The following EPB41L3 variants were observed in gnomAD, a reference collection of about 807,000 sequenced individuals.
The protein encoded by EPB41L3 is band 4.1-like protein 3.
A neutral mutation model predicts 127.1 loss-of-function variants in EPB41L3; 57 were observed. That is an observed-to-expected ratio of 0.45 (90% CI 0.36 to 0.56). The LOEUF is 0.56. EPB41L3 is among the 20% of genes least tolerant of loss of function. The probability of loss-of-function intolerance (pLI) is 0.00; values close to 1 mark genes in which losing one functional copy is unlikely to be tolerated. For synonymous variants in EPB41L3, 572 were observed against 549.5 expected, an observed-to-expected ratio of 1.04 and a Z score of -0.57; for missense variants, 1,273 against 1,372.2, an observed-to-expected ratio of 0.93 and a Z score of 1.14.
chr18:5,482,817 G>A (rs1292646541), intron 2 of EPB41L3, among the ~76,000 whole-genome samples: 1 of 152,050 alleles, frequency 6.6e-6, no homozygotes, highest in Non-Finnish European at 1.5e-5. Context: ...AAAGCAGAGA[G>A]AATTCACCAC....
At position 5,520,718 on chromosome 18, in the gene EPB41L3, C is replaced by T. The variant is rs556822817; in HGVS notation, c.-12+23195G>A. On this transcript the variant is annotated intron_variant, in intron 1 of 22. Transcript: ENST00000341928. ...TGAGGGGATCATTAAATCAGCAGAACAGAGGCACTGCCAGGGAGACCTCAA... is the reference window on the plus strand; with the variant it reads ...TGAGGGGATCATTAAATCAGCAGAATAGAGGCACTGCCAGGGAGACCTCAA... Among the ~76,000 whole-genome samples, 44 of 152,284 alleles carry T rather than the reference C, an allele frequency of 2.9e-4. 1 individual carries two copies. The highest frequency in any genetic ancestry group is 1.1e-3 in the African/African-American group (44 of 41,560).
chr18:5,408,347 C>A (rs2075766242), intron 14 of EPB41L3, among the ~76,000 whole-genome samples: 1 of 148,500 alleles, frequency 6.7e-6, no homozygotes, highest in African/African-American at 2.5e-5. Context: ...GATCTCGGCT[C>A]ACTGCAACCT....
intron 14 of EPB41L3, among the ~76,000 whole-genome samples, chr18:5,408,383 C>T (rs2075773957): frequency 6.6e-6 from 1 of 150,768 alleles, no homozygotes; most frequent in Non-Finnish European, 1.5e-5. Context: ...AAGCAATTCT[C>T]CTGCCTCAGC....
chr18:5,457,202 G>T (rs1424116135), intron 3 of EPB41L3, among the ~76,000 whole-genome samples: 2 of 73,914 alleles, frequency 2.7e-5, no homozygotes, highest in African/African-American at 6.9e-5. Flanking sequence ...TCTTTTATCT[G>T]TAGGAAAATC....
At chr18:5,548,381 C>A (rs540145181), upstream of EPB41L3, among the ~76,000 whole-genome samples, 10 of 152,224 alleles carry the variant, frequency 6.6e-5, 1 homozygote, top group South Asian at 2.1e-3. Flanking sequence ...ACATGCAAGG[C>A]ACAGATGCAA....
intron 3 of EPB41L3, among the ~76,000 whole-genome samples, chr18:5,581,618 C>G (rs529610077): frequency 1.2e-4 from 18 of 152,310 alleles, no homozygotes; most frequent in Admixed American, 7.8e-4. Flanking sequence ...TGAGCCTTCT[C>G]CAACAGCCAT....
intron 3 of EPB41L3, among the ~76,000 whole-genome samples, chr18:5,463,426 G>A (rs1168800535): frequency 6.6e-6 from 1 of 152,108 alleles, no homozygotes; most frequent in Non-Finnish European, 1.5e-5. Context: ...ATGCTGGAGG[G>A]CACAGCTGAC....
At chr18:5,402,806 C>T (rs547552747) in intron 16 of EPB41L3, among the ~76,000 whole-genome samples, 1 of 152,186 alleles carries the variant, frequency 6.6e-6, no homozygotes, top group South Asian at 2.1e-4. Context: ...AGGCCCTATA[C>T]TGGCGCACAA....
intron 3 of EPB41L3, among the ~76,000 whole-genome samples, chr18:5,573,112 T>A (rs2094300749): frequency 6.6e-6 from 1 of 152,200 alleles, no homozygotes; most frequent in African/African-American, 2.4e-5. Context: ...AGTCAGGAAC[T>A]TCTTGCATTA....
rs568534000 is a variant in EPB41L3 at position 5,611,032 on chromosome 18, C to T, written c.-306+1308G>A. 2.6e-5 allele frequency among the ~76,000 whole-genome samples: 4 copies of T among 152,312 alleles called. No homozygotes were observed. In the South Asian group the frequency reaches 8.3e-4, roughly 32 times the overall value. On this transcript the variant is annotated intron_variant, in intron 3 of 21. Coordinates refer to the EPB41L3 transcript ENST00000545076. ...CCACATGAGCAGTCACCTTGGAAAA[C>T]CAGGCTTTGTCAAGGTCATGCTGGA...
intron 1 of EPB41L3, among the ~76,000 whole-genome samples, chr18:5,621,356 A>T (rs1260695235): frequency 6.6e-6 from 1 of 152,184 alleles, no homozygotes; most frequent in East Asian, 1.9e-4. Flanking sequence ...TGAGTCAAAG[A>T]AGTACAGTTT....
chr18:5,499,106 G>T (rs1391847683), intron 1 of EPB41L3, among the ~76,000 whole-genome samples: 1 of 101,916 alleles, frequency 9.8e-6, no homozygotes, highest in Non-Finnish European at 2.1e-5. Flanking sequence ...CTAGTCACTC[G>T]GAAGACACAG....
upstream of EPB41L3, among the ~76,000 whole-genome samples, chr18:5,630,219 G>T (rs2094977977): frequency 1.3e-5 from 2 of 152,148 alleles, no homozygotes; most frequent in Non-Finnish European, 2.9e-5. Context: ...GGCGGACCCG[G>T]CCAGGCAGCC....
intron 3 of EPB41L3, chr18:5,463,480 T>G (rs1254110487): frequency 1.3e-5 from 2 of 152,352 alleles, no homozygotes; most frequent in African/African-American, 4.8e-5. Flanking sequence ...CCTAATCATG[T>G]GAGCCCTTTT....
At chr18:5,498,594 C>CAAAAAA (rs397828412) in intron 1 of EPB41L3, among the ~76,000 whole-genome samples, 3,921 of 70,350 alleles carry the variant, frequency 0.056, 434 homozygotes, top group African/African-American at 0.14. Flanking sequence ...GACTCCATCT[C>CAAAAAA]AAAAAAAAAA....
At position 5,489,312 on chromosome 18, in the gene EPB41L3, A is replaced by G. The variant is rs1038666744; in HGVS notation, c.-11-118T>C. The G allele has an allele frequency of 5.0e-6, 6 of 1,205,846 alleles. No individual in the cohort carries two copies. The African/African-American group carries it at 9.6e-5, about 19-fold the overall frequency. The allele number at this position is 1,205,846 out of a possible 1,614,324, so 74.7% of individuals were successfully genotyped here. On this transcript the variant is annotated intron_variant, in intron 1 of 22. Transcript: ENST00000341928. ...GAACCACAGAGAGGGAGATGCTACCAAACCCCATCCTATTCCACACACTGG... is the reference window on the plus strand; with the variant it reads ...GAACCACAGAGAGGGAGATGCTACCGAACCCCATCCTATTCCACACACTGG...
intron 3 of EPB41L3, among the ~76,000 whole-genome samples, chr18:5,466,788 C>T (rs1051233597): frequency 2.4e-4 from 37 of 152,046 alleles, no homozygotes; most frequent in African/African-American, 8.9e-4. Flanking sequence ...GAAACTTTTC[C>T]TAGGATATTA....
At chr18:5,535,102 C>CGCA (rs1400895076) in intron 1 of EPB41L3, among the ~76,000 whole-genome samples, 1 of 152,042 alleles carries the variant, frequency 6.6e-6, no homozygotes, top group African/African-American at 2.4e-5. Flanking sequence ...GAATGTGAAC[C>CGCA]GCACACGTGA....
chr18:5,401,116 G>A, intron 16 of EPB41L3: 2 of 815,216 alleles, frequency 2.5e-6, no homozygotes, highest in Middle Eastern at 2.2e-4. Flanking sequence ...TAGGAAGGGA[G>A]TTCTTTCATT....
Sources: allele counts gnomAD v4.1 joint callset (sites outside exome capture counted in the v4.1 genomes callset), GRCh38; gene constraint gnomAD v4.1.1; transcripts MANE v1.5; gene names NCBI Gene and HGNC (gene_info 2026-07-23, HGNC 2026-07-21).